NT5C2: variants seen among roughly 807,000 people sequenced by gnomAD.
The protein encoded by NT5C2 is cytosolic purine 5'-nucleotidase.
A neutral mutation model predicts 76.1 loss-of-function variants in NT5C2; 58 were observed. The ratio of observed to expected loss-of-function variants is 0.76; its 90% confidence interval spans 0.62 to 0.95. The LOEUF is 0.95. Ranked by LOEUF, NT5C2 falls within the 40% of genes least tolerant of loss-of-function variation. The probability of loss-of-function intolerance (pLI) is 0.00; values close to 1 mark genes in which losing one functional copy is unlikely to be tolerated. For synonymous variants in NT5C2, 229 were observed against 237.4 expected, an observed-to-expected ratio of 0.96 and a Z score of 0.32; for missense variants, 478 against 690.3, an observed-to-expected ratio of 0.69 and a Z score of 3.45.
At chr10:103,124,413 T>C (rs2135797282) in intron 4 of NT5C2, among the ~76,000 whole-genome samples, 1 of 152,296 alleles carries the variant, frequency 6.6e-6, no homozygotes, top group African/African-American at 2.4e-5. Flanking sequence ...AATATTCCAC[T>C]GCCATCTACC....
intron 3 of NT5C2, among the ~76,000 whole-genome samples, chr10:103,173,448 T>G (rs2088817657): frequency 6.9e-6 from 1 of 145,550 alleles, no homozygotes; most frequent in African/African-American, 2.6e-5. Context: ...AAACCCCATC[T>G]CTACCAAAAA....
At chr10:103,131,529 A>G (rs1257399018) in intron 4 of NT5C2, among the ~76,000 whole-genome samples, 2 of 152,226 alleles carry the variant, frequency 1.3e-5, no homozygotes, top group Non-Finnish European at 2.9e-5. Flanking sequence ...CTTCTACCAC[A>G]TAAGGACACA....
chr10:103,156,197 A>AG (rs2083338801), intron 3 of NT5C2, among the ~76,000 whole-genome samples: 1 of 152,082 alleles, frequency 6.6e-6, no homozygotes, highest in Admixed American at 6.6e-5. Flanking sequence ...ACAAGGCTGA[A>AG]GGTGGGGAGA....
intron 12 of NT5C2, chr10:103,094,672 C>A (rs547596403): frequency 1.5e-5 from 7 of 459,200 alleles, no homozygotes; most frequent in East Asian, 1.2e-4. Flanking sequence ...TCACAAGGTC[C>A]GGAAATCAAG....
chr10:103,093,162 A>G lies in NT5C2; in HGVS notation c.1136T>C (p.Leu379Pro). ...FLVIPELAQELHVWTDKSSLF... is the reference protein window; with the variant it reads ...FLVIPELAQEPHVWTDKSSLF... The stretch of plus-strand genomic sequence containing the variant: ...ACAACTCTTGTCAGTCCAGACATGT[A>G]GCTCCTGTGCGAGTTCAGGAATCAC... The change falls in exon 15 of 19, where the codon CTA becomes CCA. Residue 379 changes from leucine (L) to proline (P), a missense_variant. Leu to Pro is a moderately conservative substitution (Grantham distance 98). Coordinates refer to ENST00000404739, the MANE Select transcript of NT5C2 (RefSeq NM_001351169.2). The G allele has an allele frequency of 6.2e-7, 1 of 1,607,984 alleles. No individual in the cohort carries two copies. Among genetic ancestry groups the G allele is most frequent in the Non-Finnish European group, 8.5e-7 (1 of 1,177,624 alleles).
At chr10:103,113,569 C>T (rs1473815950) in intron 4 of NT5C2, among the ~76,000 whole-genome samples, 1 of 151,628 alleles carries the variant, frequency 6.6e-6, no homozygotes, top group Non-Finnish European at 1.5e-5. Context: ...ATTTAACAAA[C>T]ATTTGGATAC....
intron 1 of NT5C2, among the ~76,000 whole-genome samples, chr10:103,186,978 C>T (rs1329900970): frequency 2.0e-5 from 3 of 151,138 alleles, no homozygotes; most frequent in Admixed American, 6.6e-5. Flanking sequence ...AGGCCAGGGG[C>T]GGTGGTTCAC....
intron 4 of NT5C2, among the ~76,000 whole-genome samples, chr10:103,129,335 C>G (rs1469914263): frequency 8.6e-6 from 1 of 115,618 alleles, no homozygotes; most frequent in Non-Finnish European, 1.9e-5. Flanking sequence ...GCCGCCCCGT[C>G]CGGGAGGGAG....
intron 6 of NT5C2, among the ~76,000 whole-genome samples, chr10:103,102,307 C>G (rs1423897580): frequency 6.6e-6 from 1 of 152,074 alleles, no homozygotes; most frequent in Non-Finnish European, 1.5e-5. Context: ...GAACCATGGA[C>G]TACTATGTGC....
intron 4 of NT5C2, chr10:103,125,234 C>T: frequency 1.3e-6 from 1 of 772,422 alleles, no homozygotes. Flanking sequence ...TACAATTTTC[C>T]CAGCTCTGTG....
At chr10:103,133,067 T>C (rs2078524527) in intron 4 of NT5C2, among the ~76,000 whole-genome samples, 1 of 152,156 alleles carries the variant, frequency 6.6e-6, no homozygotes, top group South Asian at 2.1e-4. Flanking sequence ...CAGTGGGAAG[T>C]AATTGAATCA....
At chr10:103,119,571 T>A (rs1216972119) in intron 4 of NT5C2, among the ~76,000 whole-genome samples, 4 of 152,238 alleles carry the variant, frequency 2.6e-5, no homozygotes, top group Non-Finnish European at 5.9e-5. Flanking sequence ...TTCTTTGGTC[T>A]TTTTGATAAA....
chr10:103,093,107 T>C, intron 15 of NT5C2, 32 bp downstream of exon 15: 7 of 1,507,640 alleles, frequency 4.6e-6, no homozygotes, highest in East Asian at 2.4e-5. Context: ...CATTTAGATA[T>C]AAATTACACC....
intron 3 of NT5C2, among the ~76,000 whole-genome samples, chr10:103,140,514 G>C (rs1418578467): frequency 4.6e-5 from 7 of 152,100 alleles, no homozygotes; most frequent in Non-Finnish European, 8.8e-5. Flanking sequence ...TGGGAGTGCA[G>C]GTATCTTCAC....
intron 4 of NT5C2, among the ~76,000 whole-genome samples, chr10:103,111,265 C>G (rs1390275273): frequency 6.6e-6 from 1 of 152,106 alleles, no homozygotes; most frequent in Admixed American, 6.5e-5. Context: ...CTGGCCTACC[C>G]CTAGTTACTC....
At chr10:103,157,924 T>A (rs2083791506) in intron 3 of NT5C2, among the ~76,000 whole-genome samples, 1 of 151,838 alleles carries the variant, frequency 6.6e-6, no homozygotes, top group Non-Finnish European at 1.5e-5. Context: ...AATACAATAA[T>A]TAGCTGGGCA....
intron 4 of NT5C2, among the ~76,000 whole-genome samples, chr10:103,129,959 C>T (rs1160186172): frequency 3.4e-5 from 5 of 146,994 alleles, no homozygotes; most frequent in Admixed American, 6.7e-5. Flanking sequence ...CCCGGCCAGC[C>T]GCCCTGTCCG....
chr10:103,179,935 ATCCT>A (rs1196821640), intron 2 of NT5C2, among the ~76,000 whole-genome samples: 3 of 152,212 alleles, frequency 2.0e-5, no homozygotes, highest in Non-Finnish European at 4.4e-5. Context: ...TTTATATATT[ATCCT>A]TCCATTAGAG....
At chr10:103,092,362 CTATCTT>C (rs1402781454) in intron 15 of NT5C2, among the ~76,000 whole-genome samples, 2 of 152,030 alleles carry the variant, frequency 1.3e-5, no homozygotes, top group Non-Finnish European at 2.9e-5. Flanking sequence ...GCTGTCATGT[CTATCTT>C]TATACACATA....
Sources: allele counts gnomAD v4.1 joint callset (sites outside exome capture counted in the v4.1 genomes callset), GRCh38; gene constraint gnomAD v4.1.1; transcripts MANE v1.5; gene names NCBI Gene and HGNC (gene_info 2026-07-23, HGNC 2026-07-21).